The following TMPRSS6 variants were observed in gnomAD, a reference collection of about 807,000 sequenced individuals.
TMPRSS6 encodes transmembrane protease serine 6.
In TMPRSS6, 67 loss-of-function variants were observed where a neutral mutation model predicts 101.5. The ratio of observed to expected loss-of-function variants is 0.66; its 90% confidence interval spans 0.54 to 0.81. The LOEUF is 0.81. Among genes scored for constraint, TMPRSS6 ranks in the 30% least tolerant of loss-of-function variants. The pLI is 0.00. For synonymous variants in TMPRSS6, 453 were observed against 464.9 expected, an observed-to-expected ratio of 0.97 and a Z score of 0.33; for missense variants, 1,034 against 1,088.7, an observed-to-expected ratio of 0.95 and a Z score of 0.71.
chr22:37,094,854 C>T (rs1929612937), intron 6 of TMPRSS6, among the ~76,000 whole-genome samples: 1 of 152,156 alleles, frequency 6.6e-6, no homozygotes, highest in Admixed American at 6.5e-5. Context: ...CTCTGGGTGA[C>T]AACACTAGAT....
chr22:37,098,317 C>G (rs546619249), intron 3 of TMPRSS6, 99 bp downstream of exon 3: 1 of 1,575,656 alleles, frequency 6.3e-7, no homozygotes, highest in East Asian at 2.2e-5. Context: ...CCTGTGAATG[C>G]TCCAGATGGG....
chr22:37,084,524 T>C, intron 9 of TMPRSS6, 120 bp from the exon 10 acceptor site: 1 of 866,040 alleles, frequency 1.2e-6, no homozygotes, highest in East Asian at 2.6e-5. Flanking sequence ...AGTCTGTCAG[T>C]CACTCAACAA....
rs900571114 is a variant in TMPRSS6, at chr22:37,066,867, G to A, written c.2209C>T (p.Leu737=). The A allele has an allele frequency of 7.4e-6, 12 of 1,614,064 alleles. No individual in the cohort carries two copies. The highest frequency in any genetic ancestry group is 8.5e-6 in the Non-Finnish European group (10 of 1,180,040). The change falls in exon 17 of 18, where the codon CTG becomes TTG. Residue 737 remains leucine (L), a synonymous_variant. Coordinates refer to ENST00000676104, the MANE Select transcript of TMPRSS6 (RefSeq NM_001374504.1). ...VYRYQVTPRM[L]CAGYRKGKKD... ...TTGCCCTTGCGGTAGCCGGCACACA[G>A]CATGCGTGGCGTCACCTGGTAGCGA...
chr22:37,075,808 A>C (rs1927580556), intron 10 of TMPRSS6, among the ~76,000 whole-genome samples: 1 of 152,176 alleles, frequency 6.6e-6, no homozygotes. Context: ...AGGCTGAAGC[A>C]GGAGAATCGC....
intron 6 of TMPRSS6, among the ~76,000 whole-genome samples, chr22:37,094,663 T>C (rs561703365): frequency 6.6e-6 from 1 of 152,352 alleles, no homozygotes; most frequent in African/African-American, 2.4e-5. Context: ...TCTATCTTTG[T>C]ATGAGAATCA....
intron 2 of TMPRSS6, among the ~76,000 whole-genome samples, chr22:37,099,008 C>T (rs559162884): frequency 6.6e-6 from 1 of 152,324 alleles, no homozygotes; most frequent in Admixed American, 6.5e-5. Flanking sequence ...ATGTGCCTCC[C>T]CTTGTGAAGC....
intron 6 of TMPRSS6, 141 bp downstream of exon 6, chr22:37,095,410 C>T: frequency 1.9e-6 from 2 of 1,048,918 alleles, no homozygotes; most frequent in South Asian, 1.4e-5. Context: ...TCGCTGAGTC[C>T]ACCATGGCAT....
At chr22:37,074,587 G>C in intron 12 of TMPRSS6, 23 bp downstream of exon 12, 1 of 1,608,304 alleles carries the variant, frequency 6.2e-7, no homozygotes, top group Non-Finnish European at 8.5e-7. Flanking sequence ...GGGAGAGGAG[G>C]GATGCGCGGG....
At chr22:37,070,836 T>C (rs919585727) in intron 14 of TMPRSS6, 80 bp downstream of exon 14, 8 of 1,442,646 alleles carry the variant, frequency 5.5e-6, no homozygotes, top group Admixed American at 5.0e-5. Context: ...GGGACAACAG[T>C]GAGATTTCCC....
chr22:37,102,690 C>T lies in TMPRSS6; in HGVS notation c.202+526G>A, dbSNP rs768343316. Among the ~76,000 whole-genome samples the T allele has an allele frequency of 2.0e-5, 3 of 152,128 alleles. No homozygotes were observed. The South Asian group carries it at 6.2e-4, about 32-fold the overall frequency. On this transcript the variant is annotated intron_variant, in intron 2 of 17. Coordinates refer to ENST00000676104, the MANE Select transcript of TMPRSS6 (RefSeq NM_001374504.1). ...CTGGCTGCTCTCCAGCTGCCTGCTC[C>T]GTCCCCCATTCATGCTGGACCCTGG...
chr22:37,097,708 A>G (rs228896), intron 3 of TMPRSS6, among the ~76,000 whole-genome samples: 37,695 of 74,574 alleles, frequency 0.51, 10,163 homozygotes, highest in African/African-American at 0.53. Flanking sequence ...GTCTTGTAAC[A>G]GAGGGGCAGG....
At chr22:37,076,072 GAAAAGAAAGA>G (rs1451902597) in intron 10 of TMPRSS6, among the ~76,000 whole-genome samples, 2 of 151,630 alleles carry the variant, frequency 1.3e-5, no homozygotes, top group Non-Finnish European at 2.9e-5. Context: ...AAAAAGAAAA[GAAAAGAAAGA>G]AAGAGAAAGA....
At chr22:37,072,221 TGGATGGATGGA>T in intron 13 of TMPRSS6, among the ~76,000 whole-genome samples, 1 of 71,014 alleles carries the variant, frequency 1.4e-5, no homozygotes, top group East Asian at 4.2e-4. Flanking sequence ...GGATGATGGA[TGGATGGATGGA>T]TGATGGATGG....
Position 37,095,936 on chromosome 22 carries a change from C to G in TMPRSS6, c.559G>C (p.Glu187Gln). The stretch of plus-strand genomic sequence containing the variant: ...ATCACTAGGCCCTCGGGGTCCACTT[C>G]GTACTCGGCCCTGTAGGGGACGGCA... ...SAAVPYRAEY[E>Q]VDPEGLVILE... Residue 187 changes from glutamate to glutamine, a missense_variant, in exon 5 of 18, where the codon GAA becomes CAA. Coordinates refer to ENST00000676104, the MANE Select transcript of TMPRSS6 (RefSeq NM_001374504.1). 6.2e-7 allele frequency: 1 copy of G among 1,614,174 alleles called. No individual in the cohort carries two copies. Among genetic ancestry groups the G allele is most frequent in the Non-Finnish European group, 8.5e-7 (1 of 1,180,036 alleles).
rs554465710 is a variant in TMPRSS6 at position 37,101,693 on chromosome 22, C to T, written c.202+1523G>A. ...GCTTGGGAGCACTCACCCCTTGGGT[C>T]CTCAGCCCCATGGAGCACCTCTCCT... On this transcript the variant is annotated intron_variant, in intron 2 of 17. Coordinates refer to ENST00000676104, the MANE Select transcript of TMPRSS6 (RefSeq NM_001374504.1). The surrounding 1 kb of genome is among the most constrained non-coding windows in gnomAD (Gnocchi z 4.1). Among the ~76,000 whole-genome samples, 183 of 152,278 alleles carry T rather than the reference C, an allele frequency of 1.2e-3. No individual in the cohort carries two copies. The highest frequency in any genetic ancestry group is 4.3e-3 in the African/African-American group (177 of 41,548).
rs762878165 is a variant in TMPRSS6, at chr22:37,078,973, A to AAGAAAGAAAGAAAGAAAG, written c.1197-3694_1197-3693insCTTTCTTTCTTTCTTTCT. Among the ~76,000 whole-genome samples the AAGAAAGAAAGAAAGAAAG allele has an allele frequency of 1.6e-3, 172 of 106,578 alleles. 2 individuals carry two copies. Among genetic ancestry groups the AAGAAAGAAAGAAAGAAAG allele is most frequent in the East Asian group, 0.011 (41 of 3,572 alleles). The allele number at this position is 106,578 out of a possible 152,430, so 69.9% of individuals were successfully genotyped here. ...GGAGAAAAAGAGAAAGAAAGAAAGA[A>AAGAAAGAAAGAAAGAAAG]AAAGAAAGAAAGAAAGAAAGAAAGA... On this transcript the variant is annotated intron_variant, in intron 10 of 17. Transcript: ENST00000676104.
chr22:37,093,384 C>CTTTTTTTTTTTTTTTTT (rs67659825), intron 6 of TMPRSS6, among the ~76,000 whole-genome samples: 14 of 82,568 alleles, frequency 1.7e-4, no homozygotes, highest in African/African-American at 5.8e-4. Flanking sequence ...TTCTTTCTTT[C>CTTTTTTTTTTTTTTTTT]TTTTTTTTTT....
At chr22:37,067,022 C>T (rs944727798) in intron 16 of TMPRSS6, 60 bp from the exon 17 acceptor site, 9 of 1,610,778 alleles carry the variant, frequency 5.6e-6, no homozygotes, top group Non-Finnish European at 5.9e-6. Flanking sequence ...GTTCTCTATT[C>T]TCCCTAACAT....
intron 7 of TMPRSS6, among the ~76,000 whole-genome samples, chr22:37,089,154 G>A (rs766752706): frequency 1.3e-5 from 2 of 152,180 alleles, no homozygotes; most frequent in South Asian, 2.1e-4. Flanking sequence ...CCCCTCCCAT[G>A]GGGAATCTAG....
Sources: allele counts gnomAD v4.1 joint callset (sites outside exome capture counted in the v4.1 genomes callset), GRCh38; gene constraint gnomAD v4.1.1; non-coding constraint Gnocchi (gnomAD v3.1); transcripts MANE v1.5; gene names NCBI Gene and HGNC (gene_info 2026-07-23, HGNC 2026-07-21).